The following CSMD3 variants were observed in gnomAD, a reference collection of about 807,000 sequenced individuals.
CSMD3 encodes CUB and Sushi multiple domains 3, also known as CUB and sushi domain-containing protein 3.
Under a neutral mutation model 435.2 loss-of-function variants are expected in CSMD3, and 177 were observed. The observed-to-expected ratio is 0.41, with a 90% CI of 0.36 to 0.46. The LOEUF (loss-of-function observed/expected upper bound fraction) is 0.46. CSMD3 is among the 20% of genes least tolerant of loss of function. CSMD3 has a pLI of 0.34. For missense variants in CSMD3, 4,265 were observed against 4,504.6 expected (o/e 0.95, Z 1.52); for synonymous variants, 1,656 against 1,520.5 (o/e 1.09, Z -2.07).
chr8:112,928,901 C>G (rs1280762028), intron 9 of CSMD3, among the ~76,000 whole-genome samples: 3 of 137,440 alleles, frequency 2.2e-5, no homozygotes, highest in South Asian at 2.5e-4. Context: ...TACAGTCCCA[C>G]CAACAGTGTA....
At chr8:112,386,049 C>T (rs1452266036) in intron 36 of CSMD3, among the ~76,000 whole-genome samples, 1 of 152,072 alleles carries the variant, frequency 6.6e-6, no homozygotes, top group Non-Finnish European at 1.5e-5. Flanking sequence ...GATGTGAACA[C>T]GGAGGCAGAA....
At chr8:113,286,299 G>T (rs1042575967) in intron 2 of CSMD3, among the ~76,000 whole-genome samples, 2 of 152,094 alleles carry the variant, frequency 1.3e-5, no homozygotes, top group African/African-American at 4.8e-5. Flanking sequence ...ATACTGAAAT[G>T]AATAACTAGT....
intron 35 of CSMD3, among the ~76,000 whole-genome samples, chr8:112,396,949 T>G (rs1830906797): frequency 6.6e-6 from 1 of 152,030 alleles, no homozygotes; most frequent in Non-Finnish European, 1.5e-5. Context: ...TCAGAGGAAA[T>G]AAGAAATTCA....
At chr8:112,633,893 G>A (rs892958938) in intron 22 of CSMD3, among the ~76,000 whole-genome samples, 6 of 152,058 alleles carry the variant, frequency 3.9e-5, no homozygotes, top group Admixed American at 2.0e-4. Context: ...AACCTCATCT[G>A]GGGCTTGTTC....
At chr8:113,147,811 C>T (rs940569337) in intron 4 of CSMD3, among the ~76,000 whole-genome samples, 20 of 151,720 alleles carry the variant, frequency 1.3e-4, no homozygotes, top group Non-Finnish European at 2.8e-4. Flanking sequence ...ACCATTCACA[C>T]ATAACACTCA....
chr8:113,403,614 G>A (rs1260907388), intron 1 of CSMD3, among the ~76,000 whole-genome samples: 1 of 151,312 alleles, frequency 6.6e-6, no homozygotes, highest in Non-Finnish European at 1.5e-5. Flanking sequence ...AAATTCTAAA[G>A]GGAAAGCAAT....
At chr8:113,434,024 G>A (rs2094690659) in intron 1 of CSMD3, among the ~76,000 whole-genome samples, 1 of 152,180 alleles carries the variant, frequency 6.6e-6, no homozygotes. Flanking sequence ...AAATGCCAAG[G>A]AAAGGTTGTT....
At chr8:113,011,788 C>A (rs2086264221) in intron 6 of CSMD3, among the ~76,000 whole-genome samples, 1 of 151,594 alleles carries the variant, frequency 6.6e-6, no homozygotes, top group Non-Finnish European at 1.5e-5. Flanking sequence ...TAAATGCTAT[C>A]AGAAAATTTT....
At chr8:112,308,741 A>T (rs1821677925) in intron 50 of CSMD3, among the ~76,000 whole-genome samples, 1 of 152,032 alleles carries the variant, frequency 6.6e-6, no homozygotes, top group African/African-American at 2.4e-5. Context: ...TAAATAAAAC[A>T]CCTGACCAAA....
chr8:113,362,750 G>A (rs1287354126), intron 1 of CSMD3, among the ~76,000 whole-genome samples: 1 of 152,110 alleles, frequency 6.6e-6, no homozygotes, highest in African/African-American at 2.4e-5. Context: ...TTAGTTTGAA[G>A]GAGAAAAGCA....
chr8:112,864,871 T>C (rs1402124964), intron 10 of CSMD3, among the ~76,000 whole-genome samples: 2 of 152,198 alleles, frequency 1.3e-5, no homozygotes, highest in South Asian at 2.1e-4. Flanking sequence ...TCTTAACTTT[T>C]AGTGCTTTAG....
At chr8:113,178,738 G>A (rs1274000604) in intron 3 of CSMD3, among the ~76,000 whole-genome samples, 1 of 151,746 alleles carries the variant, frequency 6.6e-6, no homozygotes, top group African/African-American at 2.4e-5. Context: ...AAAAGTATAA[G>A]AATCAAAGTA....
chr8:112,762,239 G>A (rs916132987), intron 13 of CSMD3, among the ~76,000 whole-genome samples: 8 of 151,926 alleles, frequency 5.3e-5, no homozygotes, highest in Admixed American at 3.3e-4. Flanking sequence ...TTTGCTTACA[G>A]AGACTTAAGT....
At chr8:112,770,917 A>T (rs2078097166) in intron 13 of CSMD3, among the ~76,000 whole-genome samples, 1 of 151,934 alleles carries the variant, frequency 6.6e-6, no homozygotes, top group Admixed American at 6.6e-5. Context: ...AGGATTTTCA[A>T]ACTGATGAGT....
At chr8:113,369,057 G>A (rs1237900461) in intron 1 of CSMD3, among the ~76,000 whole-genome samples, 4 of 152,004 alleles carry the variant, frequency 2.6e-5, no homozygotes, top group African/African-American at 9.7e-5. Flanking sequence ...ATGGTGGCAA[G>A]TGAGGCAAAC....
At chr8:112,958,447 C>T (rs972429816) in intron 7 of CSMD3, among the ~76,000 whole-genome samples, 2 of 151,890 alleles carry the variant, frequency 1.3e-5, no homozygotes, top group African/African-American at 4.8e-5. Flanking sequence ...AGTTGTAAGC[C>T]CTGGACACTA....
chr8:112,283,637 A>T (rs1818888244), intron 58 of CSMD3, among the ~76,000 whole-genome samples: 1 of 151,578 alleles, frequency 6.6e-6, no homozygotes, highest in African/African-American at 2.4e-5. Flanking sequence ...TTTCTATCAT[A>T]AAGTTTAGTA....
chr8:113,392,741 AAG>A (rs1368606600), intron 1 of CSMD3, among the ~76,000 whole-genome samples: 1 of 152,076 alleles, frequency 6.6e-6, no homozygotes, highest in Non-Finnish European at 1.5e-5. Flanking sequence ...GAAATGATTC[AAG>A]AGTGATGAAT....
chr8:113,296,446 C>A (rs935675585), intron 2 of CSMD3, among the ~76,000 whole-genome samples: 1 of 151,916 alleles, frequency 6.6e-6, no homozygotes, highest in African/African-American at 2.4e-5. Context: ...ATTGCTTGAA[C>A]CCAGGAGGCA....
Sources: allele counts gnomAD v4.1 joint callset (sites outside exome capture counted in the v4.1 genomes callset), GRCh38; gene constraint gnomAD v4.1.1; transcripts MANE v1.5; gene names NCBI Gene and HGNC (gene_info 2026-07-23, HGNC 2026-07-21).